The following XRCC6 variants were observed in gnomAD, a reference collection of about 807,000 sequenced individuals.
XRCC6 encodes the protein X-ray repair cross complementing 6.
Under a neutral mutation model 65.7 loss-of-function variants are expected in XRCC6, and 5 were observed. The ratio of observed to expected loss-of-function variants is 0.08; its 90% CI spans 0.04 to 0.16. The LOEUF is 0.16. Among genes scored for constraint, XRCC6 ranks in the 10% least tolerant of loss-of-function variants. The probability of loss-of-function intolerance (pLI) is 1.00; values close to 1 mark genes in which losing one functional copy is unlikely to be tolerated. For synonymous variants in XRCC6, 270 were observed against 270.6 expected (o/e 1.00, Z 0.02); for missense variants, 447 against 738.1 (o/e 0.61, Z 4.57).
chr22:41,634,790 G>C (rs981747361), intron 3 of XRCC6, among the ~76,000 whole-genome samples: 1 of 151,896 alleles, frequency 6.6e-6, no homozygotes, highest in African/African-American at 2.4e-5. Context: ...TCATCTGCTC[G>C]CCTTGGCCTC....
At chr22:41,626,206 G>A (rs542151151) in intron 2 of XRCC6, among the ~76,000 whole-genome samples, 5 of 150,932 alleles carry the variant, frequency 3.3e-5, no homozygotes, top group Non-Finnish European at 5.9e-5. Flanking sequence ...GCAGTGGCGC[G>A]ATCTTGGCTC....
At chr22:41,642,606 A>G (rs752923079) in intron 6 of XRCC6, among the ~76,000 whole-genome samples, 3 of 152,160 alleles carry the variant, frequency 2.0e-5, no homozygotes, top group Non-Finnish European at 4.4e-5. Context: ...TATTTCTGTG[A>G]AGAATGTCAT....
Position 41,661,726 on chromosome 22 carries a change from C to G in XRCC6, c.1636+282C>G, listed in dbSNP as rs1444134525. 21 of 354,242 alleles carry G rather than the reference C, an allele frequency of 5.9e-5. No individual in the cohort carries two copies. The East Asian group carries it at 1.2e-3, about 20-fold the overall frequency. The allele number at this position is 354,242 out of a possible 1,614,324, so 21.9% of individuals were successfully genotyped here. ...AGAGCTACCATATGATCCAGCATAC[C>G]ATATGATCCAGTCAGTATATACCCA... On this transcript the variant is annotated intron_variant, in intron 12 of 12. Transcript: ENST00000360079.
chr22:41,661,424 A>G lies in XRCC6; in HGVS notation c.1616A>G (p.Lys539Arg). 6.2e-7 allele frequency: 1 copy of G among 1,613,964 alleles called. No individual in the cohort carries two copies. Among genetic ancestry groups the G allele is most frequent in the Non-Finnish European group, 8.5e-7 (1 of 1,179,968 alleles). The change falls in exon 12 of 13, where the codon AAA (lysine) becomes AGA (arginine). Residue 539 changes from lysine (K) to arginine (R), a missense_variant. By Grantham distance (26) the Lys-to-Arg change is conservative. Coordinates refer to ENST00000360079, the MANE Select transcript of XRCC6 (RefSeq NM_001469.5). The stretch of plus-strand genomic sequence containing the variant: ...CCACCAGATTACAATCCTGAAGGGA[A>G]AGTTACCAAGAGAAAACACGGTGAG... ...VYPPDYNPEG[K>R]VTKRKHDNEG...
chr22:41,646,864 A>G, intron 6 of XRCC6, 32 bp from the exon 7 acceptor site: 1 of 1,541,444 alleles, frequency 6.5e-7, no homozygotes, highest in South Asian at 1.2e-5. Flanking sequence ...GCAGTTTTTC[A>G]GTTCATGCTC....
Position 41,628,227 on chromosome 22 carries a change from C to A in XRCC6, c.192C>A (p.Ile64=). ...EDELTPFDMS[I]QCIQSVYISK... is the part of the protein sequence containing the mutation. ...AGTTGACACCTTTTGACATGAGCAT[C>A]CAGGTAAGACTACCTTTTAATTTAA... Residue 64 remains isoleucine, a synonymous_variant, in exon 3 of 13, where the codon ATC becomes ATA. Transcript: ENST00000360079. 6.2e-7 allele frequency: 1 copy of A among 1,610,258 alleles called. No individual in the cohort carries two copies. The highest frequency in any genetic ancestry group is 8.5e-7 in the Non-Finnish European group (1 of 1,177,700).
rs28384753 is a variant in XRCC6 at position 41,649,577 on chromosome 22, G to A, written c.961-1146G>A. Among the ~76,000 whole-genome samples, 1,377 of 152,120 alleles carry A rather than the reference G, an allele frequency of 9.1e-3. 10 individuals carry two copies. Among genetic ancestry groups the A allele is most frequent in the Non-Finnish European group, 0.016 (1,055 of 67,980 alleles). On this transcript the variant is annotated intron_variant, in intron 7 of 12. Coordinates refer to ENST00000360079, the MANE Select transcript of XRCC6 (RefSeq NM_001469.5). ...CATTTAATAAATAGATGTGGTGGCC[G>A]GGTGCGGTGGCTCACGCCTGTAATC...
At chr22:41,649,904 C>T (rs2067978797) in intron 7 of XRCC6, among the ~76,000 whole-genome samples, 1 of 151,674 alleles carries the variant, frequency 6.6e-6, no homozygotes, top group South Asian at 2.1e-4. Context: ...CAGTGGCTCA[C>T]ACCTGTAATC....
At chr22:41,628,061 A>G (rs1435624801) in intron 2 of XRCC6, 57 bp from the exon 3 acceptor site, 1 of 1,218,332 alleles carries the variant, frequency 8.2e-7, no homozygotes, top group East Asian at 2.4e-5. Context: ...TTTATCTTAT[A>G]TGGTAAACAA....
At chr22:41,636,900 G>A in intron 5 of XRCC6, 130 bp downstream of exon 5, 1 of 1,218,952 alleles carries the variant, frequency 8.2e-7, no homozygotes, top group Non-Finnish European at 1.1e-6. Flanking sequence ...AGCATGTGCT[G>A]TTGTGCCCAG....
Position 41,635,376 on chromosome 22 carries a change from T to C in XRCC6, c.196-737T>C, listed in dbSNP as rs559887086. On this transcript the variant is annotated intron_variant, in intron 3 of 12. Coordinates refer to ENST00000360079, the MANE Select transcript of XRCC6 (RefSeq NM_001469.5). Reference sequence around the variant, plus strand: ...CAGCAGATATGGAGGGCCAACTGTGTATATAAACTCTGTTTCCTGATACCA... The same window carrying C: ...CAGCAGATATGGAGGGCCAACTGTGCATATAAACTCTGTTTCCTGATACCA... Among the ~76,000 whole-genome samples the C allele has an allele frequency of 3.9e-5, 6 of 152,290 alleles. 1 individual carries two copies. The South Asian group carries it at 1.2e-3, about 32-fold the overall frequency.
intron 11 of XRCC6, 40 bp from the exon 12 acceptor site, chr22:41,661,291 G>T (rs201495985): frequency 1.9e-6 from 3 of 1,575,750 alleles, no homozygotes; most frequent in Non-Finnish European, 2.6e-6. Context: ...GCTGGGGCTC[G>T]TGACTCACCA....
At chr22:41,649,491 AT>A (rs1278250985) in intron 7 of XRCC6, among the ~76,000 whole-genome samples, 2 of 151,884 alleles carry the variant, frequency 1.3e-5, no homozygotes, top group Non-Finnish European at 2.9e-5. Context: ...AGTAGTACTT[AT>A]ATGTGTGTGT....
chr22:41,653,199 T>C (rs2068017121), intron 8 of XRCC6, among the ~76,000 whole-genome samples: 1 of 151,314 alleles, frequency 6.6e-6, no homozygotes, highest in Non-Finnish European at 1.5e-5. Context: ...AGCCTAGGAG[T>C]TGGAGACCAG....
chr22:41,644,664 A>G (rs1452666747), intron 6 of XRCC6, among the ~76,000 whole-genome samples: 2 of 151,408 alleles, frequency 1.3e-5, no homozygotes, highest in East Asian at 2.0e-4. Flanking sequence ...ATTTTTTTGT[A>G]TTTTAGTAGA....
At chr22:41,649,139 A>AAAAAATATAT in intron 7 of XRCC6, among the ~76,000 whole-genome samples, 7 of 88,724 alleles carry the variant, frequency 7.9e-5, no homozygotes, top group South Asian at 4.4e-4. Flanking sequence ...AAAAAAAAAA[A>AAAAAATATAT]ATATATATAT....
intron 6 of XRCC6, among the ~76,000 whole-genome samples, chr22:41,643,174 G>C (rs1006442296): frequency 1.3e-5 from 2 of 152,152 alleles, no homozygotes; most frequent in African/African-American, 4.8e-5. Context: ...CACTTTGGGA[G>C]GCCAAGGGGG....
intron 3 of XRCC6, among the ~76,000 whole-genome samples, chr22:41,634,464 G>A (rs993964094): frequency 1.3e-5 from 2 of 151,840 alleles, no homozygotes; most frequent in Non-Finnish European, 2.9e-5. Flanking sequence ...GGGATTATAG[G>A]CATGAGCCAC....
Position 41,654,335 on chromosome 22 carries a change from G to T in XRCC6, c.1291+645G>T, listed in dbSNP as rs532017348. Among the ~76,000 whole-genome samples the T allele has an allele frequency of 2.5e-4, 38 of 152,276 alleles. No homozygotes were observed. In the South Asian group the frequency reaches 7.7e-3, roughly 31 times the overall value. ...TAGTTTTAACTTTGATCCTCAGCAT[G>T]CTCAGGAGTGCTCAGTTACTAAGCT... On this transcript the variant is annotated intron_variant, in intron 9 of 12. Coordinates refer to ENST00000360079, the MANE Select transcript of XRCC6 (RefSeq NM_001469.5).
Sources: allele counts gnomAD v4.1 joint callset (sites outside exome capture counted in the v4.1 genomes callset), GRCh38; gene constraint gnomAD v4.1.1; transcripts MANE v1.5; gene names NCBI Gene and HGNC (gene_info 2026-07-23, HGNC 2026-07-21).